Variants in FNTB observed in about 807,000 individuals in gnomAD.
The protein encoded by FNTB is protein farnesyltransferase subunit beta.
FNTB carries 27 observed loss-of-function variants against 59.4 expected under a neutral mutation model. The observed-to-expected ratio is 0.45, with a 90% confidence interval of 0.34 to 0.63. The LOEUF is 0.63. Ranked by LOEUF, FNTB falls within the 20% of genes least tolerant of loss-of-function variation. The probability of loss-of-function intolerance (pLI) is 0.02; values close to 1 mark genes in which losing one functional copy is unlikely to be tolerated. For synonymous variants in FNTB, 230 were observed against 220.7 expected (o/e 1.04, Z -0.37); for missense variants, 449 against 559.6 (o/e 0.80, Z 1.99).
chr14:65,026,238 A>G (rs552280980), intron 4 of FNTB, among the ~76,000 whole-genome samples: 8 of 152,318 alleles, frequency 5.3e-5, no homozygotes, highest in African/African-American at 1.9e-4. Flanking sequence ...CTTGATAACC[A>G]GGGCTTTCCT....
chr14:64,995,427 T>C (rs1400623328), intron 1 of FNTB, among the ~76,000 whole-genome samples: 1 of 152,182 alleles, frequency 6.6e-6, no homozygotes, highest in Non-Finnish European at 1.5e-5. Flanking sequence ...TATACTTTTA[T>C]AACACTGACA....
intron 1 of FNTB, among the ~76,000 whole-genome samples, chr14:64,996,133 AAAAAAAAG>A (rs1353359767): frequency 6.7e-6 from 1 of 150,348 alleles, no homozygotes. Context: ...CAAAAAAAAA[AAAAAAAAG>A]AAAAAAGAAA....
intron 1 of FNTB, among the ~76,000 whole-genome samples, chr14:65,002,866 G>T (rs996014395): frequency 6.6e-6 from 1 of 152,162 alleles, no homozygotes; most frequent in Non-Finnish European, 1.5e-5. Context: ...CTGTTCCTTT[G>T]TGGGGGTTTT....
chr14:65,035,181 G>C (rs554484308), intron 7 of FNTB, among the ~76,000 whole-genome samples: 2 of 152,150 alleles, frequency 1.3e-5, no homozygotes, highest in African/African-American at 4.8e-5. Flanking sequence ...TTAGAGTGTT[G>C]GCTGCCCGCC....
intron 1 of FNTB, among the ~76,000 whole-genome samples, chr14:64,988,803 T>C (rs1013073849): frequency 1.1e-4 from 17 of 152,160 alleles, no homozygotes; most frequent in Non-Finnish European, 4.4e-5. Context: ...TTTCATGTTG[T>C]TATTCCAGCA....
chr14:65,037,402 CCTTT>C (rs2062219327), intron 7 of FNTB, among the ~76,000 whole-genome samples: 589 of 14,526 alleles, frequency 0.041, 255 homozygotes, highest in South Asian at 0.15. Context: ...CACGCCGGGC[CCTTT>C]TTTTTTTTTT....
Position 65,027,137 on chromosome 14 carries a change from A to G in FNTB, c.375-316A>G, listed in dbSNP as rs1199627757. On this transcript the variant is annotated intron_variant, in intron 4 of 11. Coordinates refer to ENST00000246166, the MANE Select transcript of FNTB (RefSeq NM_002028.4). The surrounding 1 kb of genome is among the most constrained non-coding windows in gnomAD (Gnocchi z 5.7). ...GCAAGTTGAGTGGAAAGTCTGGGAA[A>G]GGTTTGTGTGGGAAGCACGGGAGAC... Among the ~76,000 whole-genome samples the G allele has an allele frequency of 6.6e-6, 1 of 152,226 alleles. No homozygotes were observed. The highest frequency in any genetic ancestry group is 2.4e-5 in the African/African-American group (1 of 41,468).
intron 4 of FNTB, among the ~76,000 whole-genome samples, chr14:65,026,581 C>G (rs1005499025): frequency 2.0e-5 from 3 of 152,124 alleles, no homozygotes; most frequent in Non-Finnish European, 2.9e-5. Context: ...GTTTTTCAGC[C>G]GGATGCAGTG....
chr14:65,016,533 T>C (rs954069716), intron 4 of FNTB: 1 of 152,214 alleles, frequency 6.6e-6, no homozygotes, highest in African/African-American at 2.4e-5. Context: ...GCCAGGTTTG[T>C]TTCTCCACAG....
intron 7 of FNTB, among the ~76,000 whole-genome samples, chr14:65,036,864 C>T (rs185834539): frequency 2.4e-4 from 37 of 152,234 alleles, no homozygotes; most frequent in African/African-American, 8.4e-4. Context: ...TCTCAAACTC[C>T]TGACCTCAAG....
chr14:65,030,828 G>A lies in FNTB; in HGVS notation c.606-1782G>A, dbSNP rs1229890048. ...ATACTTTTTGTTTGTTTTGTTTTGAGATGGAGTTTCTTTCTGTTGCCCAGG... is the reference window on the plus strand; with the variant it reads ...ATACTTTTTGTTTGTTTTGTTTTGAAATGGAGTTTCTTTCTGTTGCCCAGG... On this transcript the variant is annotated intron_variant, in intron 6 of 11. Coordinates refer to ENST00000246166, the MANE Select transcript of FNTB (RefSeq NM_002028.4). The surrounding 1 kb of genome is among the most constrained non-coding windows in gnomAD (Gnocchi z 4.5). Among the ~76,000 whole-genome samples, 2 of 152,030 alleles carry A rather than the reference G, an allele frequency of 1.3e-5. No homozygotes were observed. Among genetic ancestry groups the A allele is most frequent in the Non-Finnish European group, 2.9e-5 (2 of 67,994 alleles).
chr14:65,027,688 T>C lies in FNTB; in HGVS notation c.522-10T>C, dbSNP rs747641114. Reference sequence around the variant, plus strand: ...CTGTTGCCTCTCCTACCTCTTTCCCTGTTTCTCAGAGAGAAGCTTCTTCAG... The same window carrying C: ...CTGTTGCCTCTCCTACCTCTTTCCCCGTTTCTCAGAGAGAAGCTTCTTCAG... On this transcript the variant is annotated splice_polypyrimidine_tract_variant and intron_variant, in intron 5 of 11. Transcript: ENST00000246166. The surrounding 1 kb of genome is among the most constrained non-coding windows in gnomAD (Gnocchi z 5.7). 5 of 1,614,234 alleles carry C rather than the reference T, an allele frequency of 3.1e-6. No individual in the cohort carries two copies. In the South Asian group the frequency reaches 3.3e-5, roughly 11 times the overall value.
intron 7 of FNTB, among the ~76,000 whole-genome samples, chr14:65,035,834 T>C (rs2062177088): frequency 6.8e-6 from 1 of 146,200 alleles, no homozygotes; most frequent in Non-Finnish European, 1.5e-5. Flanking sequence ...GCGCCCAGCT[T>C]TTTTTTTTTT....
chr14:65,032,826 T>TTTTTTTAAATA lies in FNTB; in HGVS notation c.692+130_692+131insTTTTTTAAATA. On this transcript the variant is annotated intron_variant, in intron 7 of 11. Coordinates refer to ENST00000246166, the MANE Select transcript of FNTB (RefSeq NM_002028.4). The surrounding 1 kb of genome is among the most constrained non-coding windows in gnomAD (Gnocchi z 5.0). ...AATCACAGGAGATCCATTAGGGTTA[T>TTTTTTTAAATA]CTAATGATTTTTTTAAATACTTAAA... 1.4e-6 allele frequency: 1 copy of TTTTTTTAAATA among 739,678 alleles called. No individual in the cohort carries two copies. Among genetic ancestry groups the TTTTTTTAAATA allele is most frequent in the Admixed American group, 3.9e-5 (1 of 25,720 alleles). The allele number at this position is 739,678 out of a possible 1,614,324, so 45.8% of individuals were successfully genotyped here.
rs2062021204 is a variant in FNTB at position 65,028,364 on chromosome 14, T to C, written c.605+583T>C. ...GTACCAAGCAAGTTGCTTCCTCACC[T>C]GGCAGATTACTTATGAGGCATACAG... On this transcript the variant is annotated intron_variant, in intron 6 of 11. Coordinates refer to ENST00000246166, the MANE Select transcript of FNTB (RefSeq NM_002028.4). The surrounding 1 kb of genome is among the most constrained non-coding windows in gnomAD (Gnocchi z 4.4). 6.6e-6 allele frequency among the ~76,000 whole-genome samples: 1 copy of C among 152,242 alleles called. No individual in the cohort carries two copies. The highest frequency in any genetic ancestry group is 6.5e-5 in the Admixed American group (1 of 15,290).
chr14:65,013,461 A>G (rs2061716684), intron 3 of FNTB, among the ~76,000 whole-genome samples: 1 of 152,170 alleles, frequency 6.6e-6, no homozygotes, highest in Non-Finnish European at 1.5e-5. Context: ...TGAATTTTCA[A>G]TCCTTGACTC....
At position 65,061,729 on chromosome 14, in the gene FNTB, C is replaced by G. The variant is rs1051733384; in HGVS notation, c.*417C>G. The G allele has an allele frequency of 1.7e-5, 3 of 172,590 alleles. No homozygotes were observed. Among genetic ancestry groups the G allele is most frequent in the Admixed American group, 1.7e-4 (3 of 17,826 alleles). The allele number at this position is 172,590 out of a possible 1,614,324, so 10.7% of individuals were successfully genotyped here. A position where few individuals can be genotyped will look rare whatever the true frequency, so the allele number is the denominator to read the frequency against. On this transcript the variant is annotated 3_prime_UTR_variant, in exon 12 of 12. Transcript: ENST00000246166. Reference sequence around the variant, plus strand: ...GTGCCCTCCGATGGGTGGAATAAGTCTGCTTCATGCCAAGGCTGGGCTTTG... The same window carrying G: ...GTGCCCTCCGATGGGTGGAATAAGTGTGCTTCATGCCAAGGCTGGGCTTTG...
intron 11 of FNTB, among the ~76,000 whole-genome samples, chr14:65,060,370 C>T (rs921075366): frequency 6.7e-6 from 1 of 149,876 alleles, no homozygotes; most frequent in Non-Finnish European, 1.5e-5. Flanking sequence ...GGGTGGATCA[C>T]CTGAGGTCAG....
intron 7 of FNTB, among the ~76,000 whole-genome samples, chr14:65,037,260 C>T (rs1351462788): frequency 2.0e-5 from 3 of 150,854 alleles, no homozygotes; most frequent in African/African-American, 4.9e-5. Context: ...CCCACGACCA[C>T]GCCCAGCTAA....
Sources: allele counts gnomAD v4.1 joint callset (sites outside exome capture counted in the v4.1 genomes callset), GRCh38; gene constraint gnomAD v4.1.1; non-coding constraint Gnocchi (gnomAD v3.1); transcripts MANE v1.5; gene names NCBI Gene and HGNC (gene_info 2026-07-23, HGNC 2026-07-21).